The following LCOR variants were observed in gnomAD, a reference collection of about 807,000 sequenced individuals.
LCOR encodes ligand dependent nuclear receptor corepressor.
In LCOR, 14 loss-of-function variants were observed where a neutral mutation model predicts 64.4. The ratio of observed to expected loss-of-function variants is 0.22; its 90% CI spans 0.14 to 0.34. LCOR has a LOEUF of 0.34. Among genes scored for constraint, LCOR ranks in the 10% least tolerant of loss-of-function variants. LCOR has a pLI of 1.00. For missense variants in LCOR, 1,686 were observed against 1,765.3 expected (o/e 0.96, Z 0.80); for synonymous variants, 643 against 642.5 (o/e 1.00, Z -0.01).
At chr10:96,877,002 G>A (rs577657851) in intron 2 of LCOR, among the ~76,000 whole-genome samples, 2 of 152,116 alleles carry the variant, frequency 1.3e-5, no homozygotes, top group African/African-American at 4.8e-5. Context: ...GCCAACAGAT[G>A]TATATAAAAA....
rs192493570 is a variant in LCOR, at chr10:96,994,307, G to C, written c.*9173G>C. On this transcript the variant is annotated 3_prime_UTR_variant, in exon 8 of 8. Transcript: ENST00000421806. ...GCTTGAAATGTCTAAAGCTGCCTTC[G>C]TGTCTGGGATTACACCATGTAGGTC... 9 of 152,082 alleles carry C rather than the reference G, an allele frequency of 5.9e-5. No individual in the cohort carries two copies. The highest frequency in any genetic ancestry group is 2.2e-4 in the African/African-American group (9 of 41,394). The allele number at this position is 152,082 out of a possible 1,614,324, so 9.4% of individuals were successfully genotyped here. A position where few individuals can be genotyped will look rare whatever the true frequency, so the allele number is the denominator to read the frequency against.
At chr10:96,869,569 C>CTTTT (rs1267246069) in intron 2 of LCOR, among the ~76,000 whole-genome samples, 8 of 134,078 alleles carry the variant, frequency 6.0e-5, no homozygotes, top group East Asian at 2.2e-4. Flanking sequence ...TTGGTTCTTT[C>CTTTT]TTTTTTTTTT....
intron 4 of LCOR, among the ~76,000 whole-genome samples, chr10:96,909,368 A>G (rs1173047869): frequency 6.6e-6 from 1 of 152,192 alleles, no homozygotes; most frequent in Non-Finnish European, 1.5e-5. Context: ...CTATAGCTAG[A>G]AATTCCTTTG....
At chr10:96,832,771 C>G (rs1030848922) in intron 1 of LCOR, among the ~76,000 whole-genome samples, 1 of 150,818 alleles carries the variant, frequency 6.6e-6, no homozygotes, top group African/African-American at 2.4e-5. Flanking sequence ...ATTGTGGCGA[C>G]TCGCCTCGCG....
intron 1 of LCOR, among the ~76,000 whole-genome samples, chr10:96,832,711 C>T (rs1048861549): frequency 6.6e-6 from 1 of 150,888 alleles, no homozygotes; most frequent in African/African-American, 2.4e-5. Context: ...CTCCCCGCTC[C>T]CGCCCCTGCT....
At chr10:96,953,211 G>A (rs1847711865) in intron 7 of LCOR, among the ~76,000 whole-genome samples, 1 of 151,792 alleles carries the variant, frequency 6.6e-6, no homozygotes, top group Non-Finnish European at 1.5e-5. Flanking sequence ...GTTTATACTA[G>A]ATATAAGTCA....
chr10:96,863,464 A>T (rs771267402), intron 2 of LCOR, among the ~76,000 whole-genome samples: 8 of 152,302 alleles, frequency 5.3e-5, no homozygotes, highest in Admixed American at 3.9e-4. Flanking sequence ...TCGGCCTCCC[A>T]AAGTGCTGGG....
intron 2 of LCOR, among the ~76,000 whole-genome samples, chr10:96,835,058 G>A (rs375658050): frequency 7.2e-5 from 11 of 152,162 alleles, no homozygotes; most frequent in African/African-American, 2.4e-4. Context: ...GCGCCACCAC[G>A]CCCAGCTAAT....
At chr10:96,869,164 C>T (rs949039982) in intron 2 of LCOR, among the ~76,000 whole-genome samples, 1 of 152,172 alleles carries the variant, frequency 6.6e-6, no homozygotes, top group African/African-American at 2.4e-5. Flanking sequence ...GCTTCGGCCT[C>T]CCAAAGTGCT....
chr10:96,985,796 A>G lies in LCOR; in HGVS notation c.*662A>G, dbSNP rs188236665. 1 of 167,160 alleles carries G rather than the reference A, an allele frequency of 6.0e-6. No individual in the cohort carries two copies. The highest frequency in any genetic ancestry group is 2.4e-5 in the African/African-American group (1 of 41,574). The allele number at this position is 167,160 out of a possible 1,614,324, so 10.4% of individuals were successfully genotyped here. On this transcript the variant is annotated 3_prime_UTR_variant, in exon 8 of 8. Transcript: ENST00000421806. ...GATGTTTTGTCATTTGAGAGCATGT[A>G]TTCTAAATTATGTGCCCATGGGACA...
chr10:96,837,851 T>A (rs1179256898), intron 2 of LCOR, among the ~76,000 whole-genome samples: 1 of 152,230 alleles, frequency 6.6e-6, no homozygotes, highest in African/African-American at 2.4e-5. Context: ...GCTTGATTTG[T>A]TTCGATGTGC....
chr10:96,835,040 A>G (rs1845418494), intron 2 of LCOR, among the ~76,000 whole-genome samples: 1 of 152,172 alleles, frequency 6.6e-6, no homozygotes, highest in African/African-American at 2.4e-5. Flanking sequence ...AGCTGGGACT[A>G]CAGGCGTGCG....
At chr10:96,882,145 ATTG>A (rs1846272733) in intron 2 of LCOR, among the ~76,000 whole-genome samples, 1 of 152,146 alleles carries the variant, frequency 6.6e-6, no homozygotes, top group African/African-American at 2.4e-5. Flanking sequence ...TTAATGAAAA[ATTG>A]TTGTTTCCCA....
At chr10:96,875,244 C>G (rs934819380) in intron 2 of LCOR, among the ~76,000 whole-genome samples, 8 of 151,826 alleles carry the variant, frequency 5.3e-5, no homozygotes, top group African/African-American at 1.9e-4. Context: ...GTTAGCCGAG[C>G]GTGGTGGCAG....
chr10:96,943,530 TAATC>T (rs1847534806), intron 4 of LCOR, among the ~76,000 whole-genome samples: 1 of 152,244 alleles, frequency 6.6e-6, no homozygotes. Context: ...TTTGACCACT[TAATC>T]AATTTACAAC....
At chr10:96,975,096 G>A (rs1227530423) in intron 7 of LCOR, among the ~76,000 whole-genome samples, 10 of 152,202 alleles carry the variant, frequency 6.6e-5, no homozygotes, top group African/African-American at 1.7e-4. Context: ...GCTTGAACCC[G>A]GGAGGTGGCG....
At chr10:96,891,838 T>G (rs1260653297) in intron 2 of LCOR, among the ~76,000 whole-genome samples, 1 of 152,130 alleles carries the variant, frequency 6.6e-6, no homozygotes, top group Non-Finnish European at 1.5e-5. Flanking sequence ...CCACCACACC[T>G]AGCCTGTAGT....
chr10:96,920,183 T>C (rs75168615), intron 4 of LCOR, among the ~76,000 whole-genome samples: 3 of 151,866 alleles, frequency 2.0e-5, no homozygotes, highest in African/African-American at 7.3e-5. Flanking sequence ...TTTTTTTTTT[T>C]AATAGTAGCC....
At chr10:96,924,156 GA>G (rs1847127340) in intron 4 of LCOR, among the ~76,000 whole-genome samples, 1 of 152,174 alleles carries the variant, frequency 6.6e-6, no homozygotes, top group Non-Finnish European at 1.5e-5. Flanking sequence ...AGGTGGAGGA[GA>G]AACAAAGGAA....
Sources: gnomAD v4.1 joint callset for allele counts (sites outside exome capture counted in the v4.1 genomes callset) on GRCh38, gnomAD v4.1.1 for gene constraint, MANE v1.5 for transcripts, NCBI Gene and HGNC (gene_info 2026-07-23, HGNC 2026-07-21) for gene names.